The following CEP131 variants were observed in gnomAD, a reference collection of about 807,000 sequenced individuals.
CEP131 encodes the protein centrosomal protein of 131 kDa.
Under a neutral mutation model 136.8 loss-of-function variants are expected in CEP131, and 99 were observed. The ratio of observed to expected loss-of-function variants is 0.72; its 90% CI spans 0.62 to 0.86. The LOEUF (loss-of-function observed/expected upper bound fraction) is 0.86, where lower values mean the gene tolerates loss of function less well. Among genes scored for constraint, CEP131 ranks in the 40% least tolerant of loss-of-function variants. CEP131 has a pLI of 0.00. For missense variants in CEP131, 1,459 were observed against 1,463.0 expected, an observed-to-expected ratio of 1.00 and a Z score of 0.04; for synonymous variants, 646 against 612.7, an observed-to-expected ratio of 1.05 and a Z score of -0.80.
chr17:81,193,304 CGAG>C (rs1199401654), intron 18 of CEP131, among the ~76,000 whole-genome samples: 2 of 152,214 alleles, frequency 1.3e-5, no homozygotes, highest in African/African-American at 4.8e-5. Flanking sequence ...ACCCCACCTT[CGAG>C]GAGAGACTGG....
chr17:81,214,345 C>T (rs2062197566), intron 2 of CEP131, among the ~76,000 whole-genome samples: 1 of 152,170 alleles, frequency 6.6e-6, no homozygotes, highest in Non-Finnish European at 1.5e-5. Flanking sequence ...CACTTGAGGT[C>T]AGTAGTTTGA....
In CEP131 at chr17:81,195,883, GTCC is replaced by G. The variant is rs747601982; in HGVS notation, c.1965_1967del (p.Glu655del). The G allele has an allele frequency of 6.2e-7, 1 of 1,609,054 alleles. No individual in the cohort carries two copies. The highest frequency in any genetic ancestry group is 8.5e-7 in the Non-Finnish European group (1 of 1,179,940). On this transcript the variant is annotated inframe_deletion, in exon 16 of 26. Coordinates refer to ENST00000450824, the MANE Select transcript of CEP131 (RefSeq NM_014984.4). Reference sequence around the variant, plus strand: ...GGGCCACACGCTCGGTGCATCTCTGGTCCTCCTGCTTCAGCTCGGCCACCACAG... The same window carrying G: ...GGGCCACACGCTCGGTGCATCTCTGGTCCTGCTTCAGCTCGGCCACCACAG...
chr17:81,200,148 G>A (rs1359366835), intron 8 of CEP131, 181 bp downstream of exon 8: 12 of 622,894 alleles, frequency 1.9e-5, no homozygotes, highest in Admixed American at 5.9e-5. Flanking sequence ...CCTGAGGACC[G>A]CCAGTGAGGA....
intron 8 of CEP131, 37 bp downstream of exon 8, chr17:81,200,292 C>G (rs755310010): frequency 1.2e-5 from 18 of 1,527,080 alleles, no homozygotes; most frequent in Non-Finnish European, 1.5e-5. Flanking sequence ...CCAGACCCCC[C>G]GGGGGAGCAT....
chr17:81,192,667 A>AGGGGTGG (rs1567847974), intron 19 of CEP131, 69 bp downstream of exon 19: 17 of 178,222 alleles, frequency 9.5e-5, no homozygotes, highest in East Asian at 3.9e-4. Flanking sequence ...TCAGCGGGTG[A>AGGGGTGG]GGGGGCGGGG....
rs560781880 is a variant in CEP131, at chr17:81,197,102, G to A, written c.1648-47C>T. 13 of 1,556,518 alleles carry A rather than the reference G, an allele frequency of 8.4e-6. No homozygotes were observed. In the South Asian group the frequency reaches 1.4e-4, roughly 17 times the overall value. On this transcript the variant is annotated intron_variant, in intron 13 of 25. Transcript: ENST00000450824. Reference sequence around the variant, plus strand: ...AGGCGGAAGCGGCAGAGGACGGGGGGCAGCCAAGGACCTGACACGATGCCC... The same window carrying A: ...AGGCGGAAGCGGCAGAGGACGGGGGACAGCCAAGGACCTGACACGATGCCC...
At position 81,206,772 on chromosome 17, in the gene CEP131, G is replaced by C; in HGVS notation, c.487C>G (p.Leu163Val). 6.2e-7 allele frequency: 1 copy of C among 1,614,048 alleles called. No individual in the cohort carries two copies. The highest frequency in any genetic ancestry group is 8.5e-7 in the Non-Finnish European group (1 of 1,179,968). ...GPRRKECTVA[L>V]APNFTANNRS... ...TTGTTAGCAGTGAAGTTGGGGGCCA[G>C]GGCCACGGTGCATTCTTTCCTCCGC... The change falls in exon 5 of 26, where the codon CTG becomes GTG. Residue 163 changes from leucine (L) to valine (V), a missense_variant. This residue lies in a region of CEP131 where 246 missense variants were observed against 318.9 expected (regional missense o/e 0.77). Coordinates refer to ENST00000450824, the MANE Select transcript of CEP131 (RefSeq NM_014984.4).
At chr17:81,192,673 CGG>C in intron 19 of CEP131, 61 bp downstream of exon 19, 1 of 203,360 alleles carries the variant, frequency 4.9e-6, no homozygotes, top group Non-Finnish European at 8.8e-6. Flanking sequence ...GGTGAGGGGG[CGG>C]GGGGGAGGGG....
intron 2 of CEP131, among the ~76,000 whole-genome samples, chr17:81,213,053 G>C (rs1473823785): frequency 1.3e-5 from 2 of 152,146 alleles, no homozygotes; most frequent in Non-Finnish European, 2.9e-5. Context: ...AAATAGACAA[G>C]ATGAGGCTGG....
chr17:81,190,766 C>T lies in CEP131; in HGVS notation c.2980G>A (p.Ala994Thr). 1 of 1,611,924 alleles carries T rather than the reference C, an allele frequency of 6.2e-7. No individual in the cohort carries two copies. The highest frequency in any genetic ancestry group is 8.5e-7 in the Non-Finnish European group (1 of 1,179,510). ...TCGAACTCCTGGCGGATCACCTGGG[C>T]CAGGTTGCTGCGCTCGCTAGAAAGC... ...EQLSSERSNL[A>T]QVIRQEFEDR... Residue 994 changes from alanine (A) to threonine (T), a missense_variant, in exon 24 of 26, where the codon GCC (alanine) becomes ACC (threonine). By Grantham distance (58) the Ala-to-Thr change is moderately conservative. This residue lies in a region of CEP131 where 1,026 missense variants were observed against 964.2 expected (regional missense o/e 1.06). Coordinates refer to ENST00000450824, the MANE Select transcript of CEP131 (RefSeq NM_014984.4).
Position 81,194,967 on chromosome 17 carries a change from A to C in CEP131, c.2022T>G (p.Ile674Met). The C allele has an allele frequency of 1.9e-6, 3 of 1,609,096 alleles. No individual in the cohort carries two copies. The highest frequency in any genetic ancestry group is 1.7e-6 in the Non-Finnish European group (2 of 1,179,156). Residue 674 changes from isoleucine to methionine, a missense_variant, in exon 17 of 26, where the codon ATT (isoleucine) becomes ATG (methionine). This residue lies in a region of CEP131 where 1,026 missense variants were observed against 964.2 expected (regional missense o/e 1.06). Transcript: ENST00000450824. The part of the protein sequence containing the change: ...AQAQAQHELE[I>M]KKLKELMSAT... Reference sequence around the variant, plus strand: ...CGCTCATTAATTCTTTGAGTTTTTTAATCTCCTACGAGCAGAACAGGGCAG... The same window carrying C: ...CGCTCATTAATTCTTTGAGTTTTTTCATCTCCTACGAGCAGAACAGGGCAG...
Position 81,191,307 on chromosome 17 carries a change from T to A in CEP131, c.2651A>T (p.Glu884Val), listed in dbSNP as rs773154070. 5.0e-6 allele frequency: 8 copies of A among 1,613,134 alleles called. No homozygotes were observed. The South Asian group carries it at 8.8e-5, about 18-fold the overall frequency. Reference sequence around the variant, plus strand: ...GCCTTTCCGGATTTCTTCCCTCAGCTCCTGTTCCCGGTTCAGCAGCCACGC... The same window carrying A: ...GCCTTTCCGGATTTCTTCCCTCAGCACCTGTTCCCGGTTCAGCAGCCACGC... ...EEAWLLNREQ[E>V]LREEIRKGRD... The change falls in exon 22 of 26, where the codon GAG becomes GTG. Residue 884 changes from glutamate to valine, a missense_variant. By Grantham distance (121) the Glu-to-Val change is moderately radical (BLOSUM62 -2). Coordinates refer to ENST00000450824, the MANE Select transcript of CEP131 (RefSeq NM_014984.4).
At chr17:81,195,328 G>A (rs1045056791) in intron 16 of CEP131, among the ~76,000 whole-genome samples, 6 of 152,182 alleles carry the variant, frequency 3.9e-5, no homozygotes, top group Middle Eastern at 3.2e-3. Flanking sequence ...CCACAGTCAC[G>A]TGCAGGGATT....
Position 81,203,075 on chromosome 17 carries a change from G to A in CEP131, c.629+419C>T, listed in dbSNP as rs911032996. Among the ~76,000 whole-genome samples, 1 of 152,186 alleles carries A rather than the reference G, an allele frequency of 6.6e-6. No homozygotes were observed. Among genetic ancestry groups the A allele is most frequent in the African/African-American group, 2.4e-5 (1 of 41,448 alleles). ...TCCCCAATCCCCGCAAGACCATGTG[G>A]TGGTGGACTCGGGGGCTCCTTTGCC... On this transcript the variant is annotated intron_variant, in intron 6 of 25. Coordinates refer to ENST00000450824, the MANE Select transcript of CEP131 (RefSeq NM_014984.4). This position sits in a 1 kb window ranked among gnomAD's most constrained non-coding sequence, Gnocchi z 4.6.
Position 81,208,461 on chromosome 17 carries a change from T to C in CEP131, c.272+467A>G, listed in dbSNP as rs930198462. 6.6e-6 allele frequency among the ~76,000 whole-genome samples: 1 copy of C among 152,082 alleles called. No individual in the cohort carries two copies. The highest frequency in any genetic ancestry group is 2.4e-5 in the African/African-American group (1 of 41,420). ...GCTCCACTCCCCACAACACCCCCAC[T>C]GGGGCCATTGAGGCAGCTCCTCCCC... On this transcript the variant is annotated intron_variant, in intron 3 of 25. Coordinates refer to ENST00000450824, the MANE Select transcript of CEP131 (RefSeq NM_014984.4). This position sits in a 1 kb window ranked among gnomAD's most constrained non-coding sequence, Gnocchi z 5.6.
Position 81,203,662 on chromosome 17 carries a change from G to T in CEP131, c.516-55C>A. ...TCAGGCCTCTGGAGGGGACGCCTGA[G>T]ATCTCAGAGCTACACTCGCAGCACG... On this transcript the variant is annotated intron_variant, in intron 5 of 25. Coordinates refer to ENST00000450824, the MANE Select transcript of CEP131 (RefSeq NM_014984.4). This position sits in a 1 kb window ranked among gnomAD's most constrained non-coding sequence, Gnocchi z 4.6. 2 of 1,384,934 alleles carry T rather than the reference G, an allele frequency of 1.4e-6. No homozygotes were observed. Among genetic ancestry groups the T allele is most frequent in the Non-Finnish European group, 1.0e-6 (1 of 1,003,400 alleles). The allele number at this position is 1,384,934 out of a possible 1,614,324, so 85.8% of individuals were successfully genotyped here.
chr17:81,192,965 C>G, intron 18 of CEP131, 122 bp from the exon 19 acceptor site: 1 of 1,430,406 alleles, frequency 7.0e-7, no homozygotes, highest in Admixed American at 2.4e-5. Flanking sequence ...CTCCGGGGCC[C>G]TGCCCCTCCC....
In CEP131 at chr17:81,197,726, C is replaced by T. The variant is rs750971302; in HGVS notation, c.1633G>A (p.Asp545Asn). 3.4e-5 allele frequency: 55 copies of T among 1,611,066 alleles called. No homozygotes were observed. The Admixed American group carries it at 8.8e-4, about 26-fold the overall frequency. The change falls in exon 13 of 26, where the codon GAC (aspartate) becomes AAC (asparagine). Residue 545 changes from aspartate to asparagine, a missense_variant. Transcript: ENST00000450824. The part of the protein sequence containing the change: ...EMEKSGQDQL[D>N]SQQEGWVPEA... ...TGAGGGGCCACCTCCTGCTGGGAGT[C>T]CAGCTGGTCCTGCCCAGACTTCTCC...
At chr17:81,202,541 A>AGCGGCAGGTGCGAGGCCG (rs2061916770) in intron 6 of CEP131, 143 bp from the exon 7 acceptor site, 1 of 965,166 alleles carries the variant, frequency 1.0e-6, no homozygotes, top group African/African-American at 1.7e-5. Flanking sequence ...AGAGGGGGAC[A>AGCGGCAGGTGCGAGGCCG]GCGGCAGGTG....
Sources: allele counts gnomAD v4.1 joint callset (sites outside exome capture counted in the v4.1 genomes callset), GRCh38; gene constraint gnomAD v4.1.1; regional missense constraint gnomAD v4.1.1; non-coding constraint Gnocchi (gnomAD v3.1); transcripts MANE v1.5; gene names NCBI Gene and HGNC (gene_info 2026-07-23, HGNC 2026-07-21).